The following CCDC192 variants were observed in gnomAD, a reference collection of about 807,000 sequenced individuals.
CCDC192 encodes coiled-coil domain containing 192, also known as coiled-coil domain-containing protein 192.
intron 4 of CCDC192, among the ~76,000 whole-genome samples, chr5:127,797,769 ATATATATATTTATT>A (rs1757256131): frequency 8.6e-5 from 1 of 11,612 alleles, no homozygotes; most frequent in African/African-American, 2.1e-4. Context: ...ATATATATAT[ATATATATATTTATT>A]TATTTATTTA....
chr5:127,767,288 G>T (rs550639568), intron 3 of CCDC192, among the ~76,000 whole-genome samples: 10 of 152,312 alleles, frequency 6.6e-5, no homozygotes, highest in African/African-American at 2.4e-4. Flanking sequence ...AAAGGGCATT[G>T]CCAGTGCCCT....
rs1293685756 is a variant in CCDC192 at position 127,734,770 on chromosome 5, G to A, written c.115-19498G>A. Among the ~76,000 whole-genome samples, 821 of 149,954 alleles carry A rather than the reference G, an allele frequency of 5.5e-3. 6 individuals are homozygous for A. Among genetic ancestry groups the A allele is most frequent in the African/African-American group, 0.019 (750 of 40,378 alleles). On this transcript the variant is annotated intron_variant, in intron 2 of 6. Transcript: ENST00000514853. ...ATGTCCTTTGCCCACTTTTTGATGG[G>A]GTTGTTTGTTTTTTTCTTGTAAATT...
At chr5:127,744,486 C>A (rs1476811112) in intron 2 of CCDC192, among the ~76,000 whole-genome samples, 1 of 152,162 alleles carries the variant, frequency 6.6e-6, no homozygotes, top group Non-Finnish European at 1.5e-5. Flanking sequence ...GGAACCCTGA[C>A]ATATTAGAAG....
chr5:127,737,602 A>G (rs1445328816), intron 2 of CCDC192, among the ~76,000 whole-genome samples: 1 of 151,498 alleles, frequency 6.6e-6, no homozygotes, highest in Non-Finnish European at 1.5e-5. Flanking sequence ...TGCTTTATGA[A>G]TCTGGGTGCT....
At chr5:127,844,807 TG>T (rs1750457405) in intron 5 of CCDC192, among the ~76,000 whole-genome samples, 1 of 152,228 alleles carries the variant, frequency 6.6e-6, no homozygotes, top group East Asian at 1.9e-4. Flanking sequence ...AGCAATATTC[TG>T]GCAGCTGACA....
chr5:127,723,846 A>G (rs954666905), intron 2 of CCDC192, among the ~76,000 whole-genome samples: 5 of 152,198 alleles, frequency 3.3e-5, no homozygotes, highest in African/African-American at 1.2e-4. Flanking sequence ...TTAAACTGAA[A>G]TTTGCTGCTG....
At chr5:127,749,762 A>T (rs1245817281) in intron 2 of CCDC192, among the ~76,000 whole-genome samples, 1 of 152,128 alleles carries the variant, frequency 6.6e-6, no homozygotes. Context: ...TTTGGTTGGT[A>T]AGCTATTGAT....
chr5:127,735,470 C>T (rs1752924290), intron 2 of CCDC192, among the ~76,000 whole-genome samples: 1 of 131,830 alleles, frequency 7.6e-6, no homozygotes, highest in Admixed American at 7.7e-5. Flanking sequence ...TGAAGAAAGT[C>T]ATTGGTAGCT....
At position 127,857,050 on chromosome 5, in the gene CCDC192, AG is replaced by A. The variant is rs557604764; in HGVS notation, c.412-18487del. The stretch of plus-strand genomic sequence containing the variant: ...CAATTTGTGAAAAATGTGTTGTCTG[AG>A]AAGAGCAATAAAGTAAAGCATAATA... On this transcript the variant is annotated intron_variant, in intron 5 of 6. Coordinates refer to ENST00000514853, the MANE Select transcript of CCDC192 (RefSeq NM_001317938.2). Among the ~76,000 whole-genome samples the A allele has an allele frequency of 8.3e-4, 126 of 152,290 alleles. 1 individual carries two copies. The highest frequency in any genetic ancestry group is 2.8e-3 in the African/African-American group (115 of 41,538).
intron 2 of CCDC192, among the ~76,000 whole-genome samples, chr5:127,741,711 T>C (rs1404345472): frequency 6.6e-6 from 1 of 152,216 alleles, no homozygotes; most frequent in Non-Finnish European, 1.5e-5. Flanking sequence ...CCTATTTTGC[T>C]ATTAACTTTA....
chr5:127,928,783 TA>T (rs1753935301), intron 6 of CCDC192, among the ~76,000 whole-genome samples: 1 of 151,826 alleles, frequency 6.6e-6, no homozygotes, highest in Non-Finnish European at 1.5e-5. Flanking sequence ...TTTTTTTTTT[TA>T]AGACGGAGTC....
At chr5:127,795,289 C>CAAA (rs762627670) in intron 3 of CCDC192, among the ~76,000 whole-genome samples, 32 of 76,472 alleles carry the variant, frequency 4.2e-4, no homozygotes, top group African/African-American at 4.5e-4. Flanking sequence ...GACTCTATCT[C>CAAA]AAAAAAAAAA....
At chr5:127,707,559 C>T in intron 1 of CCDC192, 150 bp from the exon 2 acceptor site, 1 of 376,384 alleles carries the variant, frequency 2.7e-6, no homozygotes, top group Non-Finnish European at 4.7e-6. Flanking sequence ...TTAGAAATGT[C>T]CAGAAATTGA....
chr5:127,738,444 G>A (rs565441535), intron 2 of CCDC192, among the ~76,000 whole-genome samples: 83 of 143,228 alleles, frequency 5.8e-4, no homozygotes, highest in African/African-American at 1.8e-3. Flanking sequence ...TCTTTGTGGC[G>A]TTCTCTGTAT....
chr5:127,747,027 G>A (rs1753791819), intron 2 of CCDC192, among the ~76,000 whole-genome samples: 1 of 151,664 alleles, frequency 6.6e-6, no homozygotes, highest in Admixed American at 6.6e-5. Flanking sequence ...AAAAAATAAA[G>A]CAGAAGTTAG....
chr5:127,782,505 G>T (rs1249536546), intron 3 of CCDC192, among the ~76,000 whole-genome samples: 1 of 151,864 alleles, frequency 6.6e-6, no homozygotes, highest in Admixed American at 6.6e-5. Context: ...CTTGTTATTG[G>T]TCTGTTTAGG....
At chr5:127,923,403 A>G (rs1360272929) in intron 6 of CCDC192, among the ~76,000 whole-genome samples, 5 of 147,936 alleles carry the variant, frequency 3.4e-5, no homozygotes, top group African/African-American at 1.3e-4. Flanking sequence ...CTTGAGACAG[A>G]GTCTCACTCT....
rs549265484 is a variant in CCDC192, at chr5:127,741,712, A to G, written c.115-12556A>G. Among the ~76,000 whole-genome samples, 273 of 152,300 alleles carry G rather than the reference A, an allele frequency of 1.8e-3. 2 individuals are homozygous for G. The highest frequency in any genetic ancestry group is 6.1e-3 in the African/African-American group (253 of 41,570). On this transcript the variant is annotated intron_variant, in intron 2 of 6. Coordinates refer to ENST00000514853, the MANE Select transcript of CCDC192 (RefSeq NM_001317938.2). The stretch of plus-strand genomic sequence containing the variant: ...CCTCTAGCCCAGATCCTATTTTGCT[A>G]TTAACTTTAATTTAAACCATGCAAG...
At position 127,747,161 on chromosome 5, in the gene CCDC192, T is replaced by C. The variant is rs568814666; in HGVS notation, c.115-7107T>C. Among the ~76,000 whole-genome samples, 159 of 152,078 alleles carry C rather than the reference T, an allele frequency of 1.0e-3. 1 individual carries two copies. Among genetic ancestry groups the C allele is most frequent in the African/African-American group, 3.5e-3 (147 of 41,452 alleles). The stretch of plus-strand genomic sequence containing the variant: ...AGGGTACATGTGCACATTGTGCAGG[T>C]TAGTTACATACGTATACATGTGCCA... On this transcript the variant is annotated intron_variant, in intron 2 of 6. Transcript: ENST00000514853.
Sources: allele counts gnomAD v4.1 joint callset (sites outside exome capture counted in the v4.1 genomes callset), GRCh38; gene constraint gnomAD v4.1.1; transcripts MANE v1.5; gene names NCBI Gene and HGNC (gene_info 2026-07-23, HGNC 2026-07-21).